Variants in APBA1 observed in about 807,000 individuals in gnomAD.
The protein encoded by APBA1 is amyloid beta precursor protein binding family A member 1.
A neutral mutation model predicts 86.6 loss-of-function variants in APBA1; 55 were observed. That is an observed-to-expected ratio of 0.64 (90% confidence interval 0.51 to 0.80). The LOEUF (loss-of-function observed/expected upper bound fraction) is 0.80, where lower values mean the gene tolerates loss of function less well. Ranked by LOEUF, APBA1 falls within the 30% of genes least tolerant of loss-of-function variation. APBA1 has a pLI of 0.00. For synonymous variants in APBA1, 511 were observed against 493.9 expected, an observed-to-expected ratio of 1.03 and a Z score of -0.46; for missense variants, 1,090 against 1,183.0, an observed-to-expected ratio of 0.92 and a Z score of 1.15.
At chr9:69,505,651 C>G (rs1835947273) in intron 2 of APBA1, among the ~76,000 whole-genome samples, 1 of 152,128 alleles carries the variant, frequency 6.6e-6, no homozygotes, top group Non-Finnish European at 1.5e-5. Context: ...ATCAATCTCC[C>G]TGAGTCTACT....
intron 2 of APBA1, among the ~76,000 whole-genome samples, chr9:69,490,363 T>G (rs1004132490): frequency 2.0e-5 from 3 of 151,888 alleles, no homozygotes; most frequent in Admixed American, 1.3e-4. Flanking sequence ...TTAGGAGATA[T>G]ACCTAATGCT....
chr9:69,482,849 T>G (rs1322467269), intron 2 of APBA1, among the ~76,000 whole-genome samples: 1 of 151,260 alleles, frequency 6.6e-6, no homozygotes, highest in African/African-American at 2.4e-5. Flanking sequence ...TTGGAAATCA[T>G]CATTCTCAGT....
At chr9:69,475,738 A>G (rs1241211959) in intron 3 of APBA1, among the ~76,000 whole-genome samples, 1 of 152,252 alleles carries the variant, frequency 6.6e-6, no homozygotes, top group Non-Finnish European at 1.5e-5. Flanking sequence ...AGTGCTGTTC[A>G]ACAGAATTTC....
At chr9:69,527,016 G>C (rs1438225968) in intron 1 of APBA1, among the ~76,000 whole-genome samples, 1 of 152,082 alleles carries the variant, frequency 6.6e-6, no homozygotes, top group Non-Finnish European at 1.5e-5. Flanking sequence ...TTACAAGTGG[G>C]AGCTAAACAT....
chr9:69,546,683 AC>A (rs1444419466), intron 1 of APBA1, among the ~76,000 whole-genome samples: 4 of 152,248 alleles, frequency 2.6e-5, no homozygotes, highest in African/African-American at 9.6e-5. Context: ...AAAAGAAAAA[AC>A]ATCATAAACT....
At chr9:69,666,238 CAA>C (rs1476371340) in intron 1 of APBA1, among the ~76,000 whole-genome samples, 1 of 152,118 alleles carries the variant, frequency 6.6e-6, no homozygotes, top group Non-Finnish European at 1.5e-5. Flanking sequence ...TTGAGGATGC[CAA>C]ACATGTTCTT....
At chr9:69,642,451 T>C (rs1223832523) in intron 1 of APBA1, among the ~76,000 whole-genome samples, 2 of 152,136 alleles carry the variant, frequency 1.3e-5, no homozygotes, top group Non-Finnish European at 2.9e-5. Flanking sequence ...GCCTGAAAAT[T>C]CCAAGTGTTG....
At chr9:69,554,245 T>G (rs1425138954) in intron 1 of APBA1, among the ~76,000 whole-genome samples, 1 of 152,192 alleles carries the variant, frequency 6.6e-6, no homozygotes, top group Non-Finnish European at 1.5e-5. Context: ...CACTACCAAG[T>G]GAGTATTGTT....
intron 11 of APBA1, among the ~76,000 whole-genome samples, chr9:69,435,356 T>C (rs1834689572): frequency 6.6e-6 from 1 of 152,142 alleles, no homozygotes; most frequent in African/African-American, 2.4e-5. Flanking sequence ...TCTAGATCCC[T>C]GAGGAATCGC....
At chr9:69,537,621 T>A (rs1836534110) in intron 1 of APBA1, among the ~76,000 whole-genome samples, 2 of 152,006 alleles carry the variant, frequency 1.3e-5, no homozygotes, top group South Asian at 4.2e-4. Flanking sequence ...GGCAGGGAAA[T>A]GGGGCTTCCC....
intron 2 of APBA1, among the ~76,000 whole-genome samples, chr9:69,512,495 C>G (rs1836066973): frequency 6.6e-6 from 1 of 152,144 alleles, no homozygotes; most frequent in Non-Finnish European, 1.5e-5. Context: ...AGTTTGTGAT[C>G]TTGCCATTTT....
chr9:69,497,858 A>G (rs1835824220), intron 2 of APBA1, among the ~76,000 whole-genome samples: 1 of 152,136 alleles, frequency 6.6e-6, no homozygotes, highest in Admixed American at 6.5e-5. Context: ...TCAGCCAGAC[A>G]ACAAAACAAA....
At chr9:69,440,470 G>A (rs2133792944) in intron 11 of APBA1, among the ~76,000 whole-genome samples, 1 of 151,814 alleles carries the variant, frequency 6.6e-6, no homozygotes, top group East Asian at 1.9e-4. Flanking sequence ...ACCTACTCAA[G>A]CCTGGGCAAT....
intron 3 of APBA1, among the ~76,000 whole-genome samples, chr9:69,475,248 T>G (rs943981580): frequency 6.6e-6 from 1 of 152,252 alleles, no homozygotes; most frequent in Non-Finnish European, 1.5e-5. Context: ...ACAGAATTTG[T>G]TGTCCAAAAG....
At chr9:69,671,495 G>A (rs1823947526) in intron 1 of APBA1, among the ~76,000 whole-genome samples, 1 of 152,188 alleles carries the variant, frequency 6.6e-6, no homozygotes, top group South Asian at 2.1e-4. Context: ...CAGACACTGT[G>A]CTCAGAGTTG....
chr9:69,440,596 A>T (rs1443839249), intron 11 of APBA1, among the ~76,000 whole-genome samples: 1 of 152,136 alleles, frequency 6.6e-6, no homozygotes, highest in Non-Finnish European at 1.5e-5. Flanking sequence ...TGTGGGGTAT[A>T]ATCTCCTGGT....
At chr9:69,638,540 C>T (rs1428848382) in intron 1 of APBA1, among the ~76,000 whole-genome samples, 2 of 152,180 alleles carry the variant, frequency 1.3e-5, no homozygotes, top group Admixed American at 6.5e-5. Context: ...CAAGTGCATA[C>T]TTTATAAAGT....
intron 1 of APBA1, among the ~76,000 whole-genome samples, chr9:69,521,704 G>C (rs770543720): frequency 6.6e-6 from 1 of 152,198 alleles, no homozygotes; most frequent in Non-Finnish European, 1.5e-5. Flanking sequence ...TGAGATATTT[G>C]AGTTGAGGTC....
intron 2 of APBA1, among the ~76,000 whole-genome samples, chr9:69,515,472 TC>T (rs1431218138): frequency 1.3e-5 from 2 of 151,580 alleles, no homozygotes; most frequent in Non-Finnish European, 1.5e-5. Context: ...TAAAACAACT[TC>T]CCCCTTGTAC....
Sources: allele counts gnomAD v4.1 joint callset (sites outside exome capture counted in the v4.1 genomes callset), GRCh38; gene constraint gnomAD v4.1.1; transcripts MANE v1.5; gene names NCBI Gene and HGNC (gene_info 2026-07-23, HGNC 2026-07-21).